The following PTPRG variants were observed in gnomAD, a reference collection of about 807,000 sequenced individuals.
The protein encoded by PTPRG is receptor-type tyrosine-protein phosphatase gamma.
PTPRG carries 102 observed loss-of-function variants against 165.3 expected under a neutral mutation model. That is an observed-to-expected ratio of 0.62 (90% CI 0.53 to 0.73). PTPRG has a LOEUF of 0.73. Among genes scored for constraint, PTPRG ranks in the 30% least tolerant of loss-of-function variants. The pLI is 0.00. For synonymous variants in PTPRG, 675 were observed against 669.5 expected (o/e 1.01, Z -0.13); for missense variants, 1,866 against 1,861.4 (o/e 1.00, Z -0.05).
intron 2 of PTPRG, among the ~76,000 whole-genome samples, chr3:61,963,676 G>C (rs180671253): frequency 6.6e-6 from 1 of 152,260 alleles, no homozygotes; most frequent in African/African-American, 2.4e-5. Flanking sequence ...CTTACAACTT[G>C]TATAAGTGGA....
At chr3:61,891,568 C>T (rs139388970) in intron 2 of PTPRG, among the ~76,000 whole-genome samples, 9 of 152,198 alleles carry the variant, frequency 5.9e-5, no homozygotes, top group East Asian at 1.9e-4. Context: ...TGATGGTGAA[C>T]GGAGACAGAA....
chr3:61,916,430 C>A (rs1239199194), intron 2 of PTPRG, among the ~76,000 whole-genome samples: 3 of 152,102 alleles, frequency 2.0e-5, no homozygotes, highest in Admixed American at 6.5e-5. Context: ...TAACCTCCTA[C>A]TCCCCACCTT....
In PTPRG at chr3:62,186,106, G is replaced by A. The variant is rs541661351; in HGVS notation, c.1034-5363G>A. On this transcript the variant is annotated intron_variant, in intron 8 of 29. Transcript: ENST00000474889. ...TGCTCGCTTGCCTGAGTTATTTGAC[G>A]GGTGTCTGGTACTATCGTTGCCCCA... Among the ~76,000 whole-genome samples the A allele has an allele frequency of 2.6e-5, 4 of 152,270 alleles. No individual in the cohort carries two copies. The East Asian group carries it at 5.8e-4, about 22-fold the overall frequency.
intron 5 of PTPRG, among the ~76,000 whole-genome samples, chr3:62,110,415 C>T (rs967687395): frequency 3.3e-5 from 5 of 151,966 alleles, no homozygotes; most frequent in Non-Finnish European, 5.9e-5. Flanking sequence ...TTTTCCCCAG[C>T]GCGACTTTAT....
chr3:61,894,055 G>C (rs1229451179), intron 2 of PTPRG, among the ~76,000 whole-genome samples: 1 of 152,072 alleles, frequency 6.6e-6, no homozygotes, highest in Non-Finnish European at 1.5e-5. Context: ...TCTAATCCCA[G>C]CACTGTGAGA....
chr3:61,823,244 G>A lies in PTPRG; in HGVS notation c.190+74262G>A, dbSNP rs140490512. Among the ~76,000 whole-genome samples the A allele has an allele frequency of 5.3e-5, 8 of 152,310 alleles. No individual in the cohort carries two copies. In the East Asian group the frequency reaches 1.5e-3, roughly 29 times the overall value. On this transcript the variant is annotated intron_variant, in intron 2 of 29. Transcript: ENST00000474889. The stretch of plus-strand genomic sequence containing the variant: ...CTTGTTCTGTCGCCCAGGCTAGAGT[G>A]CAGTGGCACCATCTCAGCTTACTAC...
intron 1 of PTPRG, among the ~76,000 whole-genome samples, chr3:61,737,552 G>T (rs1439987818): frequency 6.6e-6 from 1 of 152,154 alleles, no homozygotes; most frequent in Non-Finnish European, 1.5e-5. Context: ...AATAGATGGC[G>T]ATGGGCTATT....
At chr3:61,752,785 CAAAAAAAA>C (rs749817659) in intron 2 of PTPRG, among the ~76,000 whole-genome samples, 2 of 69,980 alleles carry the variant, frequency 2.9e-5, no homozygotes, top group African/African-American at 1.1e-4. Context: ...AAGACTGTCT[CAAAAAAAA>C]AAAAAAAAGA....
chr3:61,625,279 A>G (rs1701576476), intron 1 of PTPRG, among the ~76,000 whole-genome samples: 2 of 126,988 alleles, frequency 1.6e-5, no homozygotes, highest in Non-Finnish European at 3.4e-5. Flanking sequence ...TATCAGTCAA[A>G]CTTTAGTCTC....
intron 1 of PTPRG, among the ~76,000 whole-genome samples, chr3:61,564,925 G>C (rs372950152): frequency 6.6e-6 from 1 of 152,200 alleles, no homozygotes; most frequent in Non-Finnish European, 1.5e-5. Context: ...AGTTAGCCTT[G>C]GGACCCCTAC....
rs1700413597 is a variant in PTPRG, at chr3:62,213,400, A to G, written c.2156-5451A>G. Among the ~76,000 whole-genome samples, 1 of 152,032 alleles carries G rather than the reference A, an allele frequency of 6.6e-6. No homozygotes were observed. Among genetic ancestry groups the G allele is most frequent in the South Asian group, 2.1e-4 (1 of 4,818 alleles). On this transcript the variant is annotated intron_variant, in intron 12 of 29. Coordinates refer to ENST00000474889, the MANE Select transcript of PTPRG (RefSeq NM_002841.4). The surrounding 1 kb of genome is among the most constrained non-coding windows in gnomAD (Gnocchi z 4.4). ...GTCACCTTCTCAAAACTCTTTTATA[A>G]CTTTCGAATGGGCCCCATGATTTCA...
intron 4 of PTPRG, among the ~76,000 whole-genome samples, chr3:62,015,982 C>T (rs565731854): frequency 1.3e-5 from 2 of 152,184 alleles, no homozygotes; most frequent in South Asian, 4.2e-4. Flanking sequence ...GTATTCAAAT[C>T]TTGTGTAATA....
At chr3:61,912,235 A>G (rs1221175593) in intron 2 of PTPRG, among the ~76,000 whole-genome samples, 3 of 152,162 alleles carry the variant, frequency 2.0e-5, no homozygotes, top group African/African-American at 7.2e-5. Flanking sequence ...TTCCATGGGA[A>G]TGTAGTTATG....
At chr3:61,852,989 C>T (rs2037007122) in intron 2 of PTPRG, among the ~76,000 whole-genome samples, 1 of 152,210 alleles carries the variant, frequency 6.6e-6, no homozygotes, top group African/African-American at 2.4e-5. Context: ...CTCTTTGCAT[C>T]TGTTCATCTA....
rs1046283929 is a variant in PTPRG at position 61,729,159 on chromosome 3, T to G, written c.86-19719T>G. Among the ~76,000 whole-genome samples, 8 of 152,282 alleles carry G rather than the reference T, an allele frequency of 5.3e-5. No individual in the cohort carries two copies. In the South Asian group the frequency reaches 1.7e-3, roughly 32 times the overall value. Reference sequence around the variant, plus strand: ...ATTAAATACAGGAGCAAGGGTAATCTGATATCTGGCATCCCAGCTGAGGGG... The same window carrying G: ...ATTAAATACAGGAGCAAGGGTAATCGGATATCTGGCATCCCAGCTGAGGGG... On this transcript the variant is annotated intron_variant, in intron 1 of 29. Transcript: ENST00000474889.
chr3:62,047,557 C>T (rs1468722721), intron 4 of PTPRG, among the ~76,000 whole-genome samples: 2 of 152,132 alleles, frequency 1.3e-5, no homozygotes, highest in Non-Finnish European at 2.9e-5. Context: ...CCACCATGCC[C>T]AGCCCCAGCT....
chr3:62,078,021 G>C, intron 4 of PTPRG, 142 bp from the exon 5 acceptor site: 1 of 554,118 alleles, frequency 1.8e-6, no homozygotes. Flanking sequence ...AAAAAAGTTA[G>C]CAAAGGAAAA....
intron 2 of PTPRG, among the ~76,000 whole-genome samples, chr3:61,873,801 G>C (rs1237980102): frequency 6.6e-6 from 1 of 152,078 alleles, no homozygotes; most frequent in African/African-American, 2.4e-5. Context: ...GATTAGCTAA[G>C]TGATCAGGGC....
intron 1 of PTPRG, among the ~76,000 whole-genome samples, chr3:61,630,084 A>G (rs1365066768): frequency 6.6e-6 from 1 of 152,202 alleles, no homozygotes; most frequent in African/African-American, 2.4e-5. Context: ...CATGCATATA[A>G]GTGGTGGTTC....
Sources: allele counts gnomAD v4.1 joint callset (sites outside exome capture counted in the v4.1 genomes callset), GRCh38; gene constraint gnomAD v4.1.1; non-coding constraint Gnocchi (gnomAD v3.1); transcripts MANE v1.5; gene names NCBI Gene and HGNC (gene_info 2026-07-23, HGNC 2026-07-21).